The following NDUFAF2 variants were observed in gnomAD, a reference collection of about 807,000 sequenced individuals.
NDUFAF2 encodes NADH:ubiquinone oxidoreductase complex assembly factor 2.
A neutral mutation model predicts 22.8 loss-of-function variants in NDUFAF2; 13 were observed. The ratio of observed to expected loss-of-function variants is 0.57; its 90% CI spans 0.37 to 0.91. NDUFAF2 has a LOEUF of 0.91. NDUFAF2 is among the 40% of genes least tolerant of loss of function. The pLI, the probability that NDUFAF2 is intolerant of heterozygous loss-of-function variation, is 0.01. For synonymous variants in NDUFAF2, 53 were observed against 64.2 expected, an observed-to-expected ratio of 0.83 and a Z score of 0.84; for missense variants, 162 against 195.2, an observed-to-expected ratio of 0.83 and a Z score of 1.01.
At chr5:61,111,407 G>A (rs1752838643) in intron 3 of NDUFAF2, among the ~76,000 whole-genome samples, 1 of 151,970 alleles carries the variant, frequency 6.6e-6, no homozygotes, top group Admixed American at 6.6e-5. Flanking sequence ...TACTTAAAGT[G>A]GGATGTTGAA....
At chr5:61,023,271 C>CT (rs960333554) in intron 1 of NDUFAF2, among the ~76,000 whole-genome samples, 12 of 151,380 alleles carry the variant, frequency 7.9e-5, no homozygotes, top group South Asian at 2.1e-4. Flanking sequence ...TATTTTAGTT[C>CT]TTTTTTTTGC....
intron 1 of NDUFAF2, among the ~76,000 whole-genome samples, chr5:61,070,720 G>T (rs975671041): frequency 6.6e-5 from 10 of 151,948 alleles, no homozygotes; most frequent in African/African-American, 4.8e-5. Flanking sequence ...AGTAGGAATA[G>T]AAAGTTATTT....
At chr5:60,977,311 C>A (rs1381724188) in intron 1 of NDUFAF2, among the ~76,000 whole-genome samples, 1 of 151,910 alleles carries the variant, frequency 6.6e-6, no homozygotes, top group Non-Finnish European at 1.5e-5. Context: ...CATCTGCAGT[C>A]CTGGCTACTC....
intron 1 of NDUFAF2, among the ~76,000 whole-genome samples, chr5:61,002,390 A>G (rs1259505260): frequency 3.9e-5 from 6 of 152,180 alleles, no homozygotes; most frequent in African/African-American, 1.4e-4. Flanking sequence ...ATTTAAGATT[A>G]TGAAAATCCT....
At chr5:60,959,316 T>G (rs1305610626) in intron 1 of NDUFAF2, among the ~76,000 whole-genome samples, 2 of 152,098 alleles carry the variant, frequency 1.3e-5, no homozygotes, top group Admixed American at 6.5e-5. Context: ...AAATTTTTTT[T>G]GAATTGATTT....
rs148023775 is a variant in NDUFAF2, at chr5:60,992,299, C to G, written c.127+46917C>G. 1.1e-3 allele frequency among the ~76,000 whole-genome samples: 167 copies of G among 152,304 alleles called. 2 individuals carry two copies. The East Asian group carries it at 0.017, about 15-fold the overall frequency. On this transcript the variant is annotated intron_variant, in intron 1 of 3. Transcript: ENST00000296597. ...TTTGCTGTGCAGAAGCATTTTGACA[C>G]TTGACGTGATCCCATTTGTCCATTT...
At chr5:61,077,695 G>A (rs1036580341) in intron 2 of NDUFAF2, among the ~76,000 whole-genome samples, 4 of 152,132 alleles carry the variant, frequency 2.6e-5, no homozygotes, top group Non-Finnish European at 5.9e-5. Context: ...CAGGAAAGAG[G>A]AAGTCCTTGA....
At chr5:61,000,545 T>C (rs1235521435) in intron 1 of NDUFAF2, among the ~76,000 whole-genome samples, 1 of 152,292 alleles carries the variant, frequency 6.6e-6, no homozygotes, top group Non-Finnish European at 1.5e-5. Flanking sequence ...GGCTGTTAAT[T>C]ATCTATCTCT....
chr5:61,047,181 T>G (rs1368274387), intron 1 of NDUFAF2, among the ~76,000 whole-genome samples: 4 of 152,122 alleles, frequency 2.6e-5, no homozygotes, highest in Non-Finnish European at 5.9e-5. Context: ...CCCGAGAGTA[T>G]TAATACAAAC....
In NDUFAF2 at chr5:60,946,421, T is replaced by G. The variant is rs116150598; in HGVS notation, c.127+1039T>G. On this transcript the variant is annotated intron_variant, in intron 1 of 3. Transcript: ENST00000296597. ...TGTATTCTGTGATTTATCACTCAATTAATTTATTTTTGCCTGGCCTTTTTC... is the reference window on the plus strand; with the variant it reads ...TGTATTCTGTGATTTATCACTCAATGAATTTATTTTTGCCTGGCCTTTTTC... 2.0e-5 allele frequency among the ~76,000 whole-genome samples: 3 copies of G among 152,164 alleles called. No individual in the cohort carries two copies. In the East Asian group the frequency reaches 5.8e-4, roughly 29 times the overall value.
At chr5:61,068,928 A>T (rs1455569677) in intron 1 of NDUFAF2, among the ~76,000 whole-genome samples, 1 of 152,132 alleles carries the variant, frequency 6.6e-6, no homozygotes, top group African/African-American at 2.4e-5. Context: ...TCAAATCCTG[A>T]TATCTGTTTG....
chr5:61,148,943 G>A (rs145277611), intron 3 of NDUFAF2, among the ~76,000 whole-genome samples: 34 of 152,238 alleles, frequency 2.2e-4, no homozygotes, highest in Middle Eastern at 3.4e-3. Context: ...GGGAACAAAA[G>A]GAAGATACTT....
chr5:60,998,300 G>A (rs1258607168), intron 1 of NDUFAF2, among the ~76,000 whole-genome samples: 1 of 152,040 alleles, frequency 6.6e-6, no homozygotes, highest in Admixed American at 6.6e-5. Context: ...TTTCTAGAAT[G>A]TATTATTATA....
intron 1 of NDUFAF2, among the ~76,000 whole-genome samples, chr5:61,012,984 A>G (rs1208946003): frequency 6.6e-6 from 1 of 152,048 alleles, no homozygotes; most frequent in Non-Finnish European, 1.5e-5. Flanking sequence ...ATCTTGCTTG[A>G]ACTCTCTAAG....
intron 2 of NDUFAF2, among the ~76,000 whole-genome samples, chr5:61,079,697 T>C (rs1182628935): frequency 1.3e-5 from 2 of 152,238 alleles, no homozygotes; most frequent in Non-Finnish European, 2.9e-5. Context: ...CATAGATGCC[T>C]TTATCAAGTT....
chr5:61,076,965 C>G (rs1265572934), intron 2 of NDUFAF2, among the ~76,000 whole-genome samples: 1 of 152,076 alleles, frequency 6.6e-6, no homozygotes, highest in East Asian at 1.9e-4. Context: ...CTGTTTTGGC[C>G]TCACCTGGAA....
At chr5:61,083,337 T>A (rs1305345822) in intron 2 of NDUFAF2, 1 of 152,090 alleles carries the variant, frequency 6.6e-6, no homozygotes, top group Admixed American at 6.6e-5. Flanking sequence ...AAGGTAGGGG[T>A]CAACTTGCAT....
intron 1 of NDUFAF2, among the ~76,000 whole-genome samples, chr5:60,964,984 T>C (rs1201864477): frequency 6.6e-6 from 1 of 152,178 alleles, no homozygotes; most frequent in South Asian, 2.1e-4. Flanking sequence ...CCTCATGTTA[T>C]GGTTGTTGCT....
At chr5:61,017,275 A>G (rs1453619600) in intron 1 of NDUFAF2, among the ~76,000 whole-genome samples, 1 of 152,200 alleles carries the variant, frequency 6.6e-6, no homozygotes, top group African/African-American at 2.4e-5. Context: ...TCAGACTCAG[A>G]GAATTAAGCA....
Sources: allele counts gnomAD v4.1 joint callset (sites outside exome capture counted in the v4.1 genomes callset), GRCh38; gene constraint gnomAD v4.1.1; transcripts MANE v1.5; gene names NCBI Gene and HGNC (gene_info 2026-07-23, HGNC 2026-07-21).